C8orf34: variants seen among roughly 807,000 people sequenced by gnomAD.
The protein encoded by C8orf34 is uncharacterized protein C8orf34.
A neutral mutation model predicts 68.3 loss-of-function variants in C8orf34; 65 were observed. That is an observed-to-expected ratio of 0.95 (90% CI 0.78 to 1.17). The LOEUF (loss-of-function observed/expected upper bound fraction) is 1.17. Ranked by LOEUF, C8orf34 falls within the 50% of genes most tolerant of loss-of-function variation. C8orf34 has a pLI of 0.00. For synonymous variants in C8orf34, 244 were observed against 241.2 expected (o/e 1.01, Z -0.11); for missense variants, 664 against 655.4 (o/e 1.01, Z -0.14).
intron 10 of C8orf34, among the ~76,000 whole-genome samples, chr8:68,723,305 AT>A (rs1422428283): frequency 6.6e-6 from 1 of 152,044 alleles, no homozygotes; most frequent in Non-Finnish European, 1.5e-5. Flanking sequence ...TGAGACTTAA[AT>A]TTTTAAGTCA....
intron 1 of C8orf34, among the ~76,000 whole-genome samples, chr8:68,361,271 A>G (rs1806983592): frequency 6.6e-6 from 1 of 152,192 alleles, no homozygotes; most frequent in African/African-American, 2.4e-5. Flanking sequence ...GAGCACTGCA[A>G]CTGGAAAGCA....
Position 68,356,373 on chromosome 8 carries a change from C to T in C8orf34, c.327+25034C>T, listed in dbSNP as rs934942483. On this transcript the variant is annotated intron_variant, in intron 1 of 13. Coordinates refer to ENST00000518698, the MANE Select transcript of C8orf34 (RefSeq NM_052958.4). The stretch of plus-strand genomic sequence containing the variant: ...ATTTATTGGGTACTATATTATCTAC[C>T]GAGAAAAATAAACACAAAAACTCAT... Among the ~76,000 whole-genome samples, 17 of 151,676 alleles carry T rather than the reference C, an allele frequency of 1.1e-4. 1 individual carries two copies. Among genetic ancestry groups the T allele is most frequent in the African/African-American group, 3.1e-4 (13 of 41,272 alleles).
intron 8 of C8orf34, among the ~76,000 whole-genome samples, chr8:68,643,417 A>G (rs1432246702): frequency 6.6e-6 from 1 of 152,220 alleles, no homozygotes. Flanking sequence ...ATGCTTTGAA[A>G]TACCACTTGA....
Position 68,550,773 on chromosome 8 carries a change from GT to G in C8orf34, c.1105+17634del, listed in dbSNP as rs905138061. Among the ~76,000 whole-genome samples, 108 of 145,288 alleles carry G rather than the reference GT, an allele frequency of 7.4e-4. 1 individual carries two copies. Among genetic ancestry groups the G allele is most frequent in the African/African-American group, 9.5e-4 (38 of 39,870 alleles). On this transcript the variant is annotated intron_variant, in intron 7 of 13. Transcript: ENST00000518698. ...CAGGAATCTAAGTTGGTGTTTTTGTGTTTTTTTTTTCCCCCTCAGTGCTTTA... is the reference window on the plus strand; with the variant it reads ...CAGGAATCTAAGTTGGTGTTTTTGTGTTTTTTTTTCCCCCTCAGTGCTTTA...
chr8:68,704,135 T>G (rs1412012481), intron 8 of C8orf34, among the ~76,000 whole-genome samples: 1 of 152,136 alleles, frequency 6.6e-6, no homozygotes, highest in African/African-American at 2.4e-5. Context: ...ACAAAATCCT[T>G]TCCTTTAAGA....
intron 3 of C8orf34, among the ~76,000 whole-genome samples, chr8:68,463,008 T>A (rs568750184): frequency 1.3e-5 from 2 of 152,010 alleles, no homozygotes; most frequent in African/African-American, 4.8e-5. Context: ...CAGGAGCTGG[T>A]TTTTTGAAGG....
At chr8:68,496,202 A>G (rs972486849) in intron 5 of C8orf34, among the ~76,000 whole-genome samples, 1 of 152,148 alleles carries the variant, frequency 6.6e-6, no homozygotes, top group Non-Finnish European at 1.5e-5. Flanking sequence ...TATATATGAG[A>G]CCATGTAATA....
chr8:68,687,690 G>A (rs950152423), intron 8 of C8orf34, among the ~76,000 whole-genome samples: 4 of 151,982 alleles, frequency 2.6e-5, no homozygotes, highest in African/African-American at 9.7e-5. Flanking sequence ...AACTCTTCGG[G>A]ATATTGGCCT....
chr8:68,428,889 A>G (rs1311963804), intron 1 of C8orf34, among the ~76,000 whole-genome samples: 1 of 152,162 alleles, frequency 6.6e-6, no homozygotes, highest in Non-Finnish European at 1.5e-5. Flanking sequence ...TTGGAAATTC[A>G]TATGAAGAAA....
At chr8:68,530,088 C>A (rs974803144) in intron 6 of C8orf34, among the ~76,000 whole-genome samples, 14 of 151,822 alleles carry the variant, frequency 9.2e-5, no homozygotes, top group Non-Finnish European at 1.6e-4. Flanking sequence ...TATTCTATTA[C>A]ATTTTGTTAA....
intron 1 of C8orf34, among the ~76,000 whole-genome samples, chr8:68,421,930 G>T (rs1809993121): frequency 6.6e-6 from 1 of 152,146 alleles, no homozygotes; most frequent in Non-Finnish European, 1.5e-5. Context: ...CAGGGGAAAT[G>T]GCAGATGCTT....
At chr8:68,460,406 A>T (rs1419788842) in intron 3 of C8orf34, among the ~76,000 whole-genome samples, 1 of 152,208 alleles carries the variant, frequency 6.6e-6, no homozygotes, top group Non-Finnish European at 1.5e-5. Context: ...TGCAGACTTA[A>T]ATATCCCTGT....
intron 10 of C8orf34, among the ~76,000 whole-genome samples, chr8:68,766,982 G>A (rs55836089): frequency 3.3e-5 from 5 of 152,076 alleles, no homozygotes; most frequent in East Asian, 3.9e-4. Flanking sequence ...TCGGGAGTTC[G>A]AGACCAGCCT....
chr8:68,357,713 C>A (rs2129619191), intron 1 of C8orf34, among the ~76,000 whole-genome samples: 1 of 152,270 alleles, frequency 6.6e-6, no homozygotes, highest in South Asian at 2.1e-4. Context: ...TCGAATGATT[C>A]TTTATTACAA....
intron 10 of C8orf34, among the ~76,000 whole-genome samples, chr8:68,745,904 C>G (rs1483819793): frequency 1.3e-5 from 2 of 152,192 alleles, no homozygotes; most frequent in Non-Finnish European, 2.9e-5. Flanking sequence ...ATCTACAGAA[C>G]TCTCCACCCC....
chr8:68,331,457 C>T (rs1805586422), intron 1 of C8orf34, 118 bp downstream of exon 1: 1 of 1,115,334 alleles, frequency 9.0e-7, no homozygotes, highest in African/African-American at 1.5e-5. Flanking sequence ...AACCAACGCG[C>T]GGGAGAGGGC....
At chr8:68,551,124 C>T (rs531552328) in intron 7 of C8orf34, among the ~76,000 whole-genome samples, 106 of 151,916 alleles carry the variant, frequency 7.0e-4, no homozygotes, top group African/African-American at 2.5e-3. Flanking sequence ...TTCCTCTCTT[C>T]CTGGTATTTT....
intron 1 of C8orf34, among the ~76,000 whole-genome samples, chr8:68,351,616 C>T (rs930336507): frequency 6.6e-6 from 1 of 152,040 alleles, no homozygotes; most frequent in Non-Finnish European, 1.5e-5. Context: ...GATTTGGCCT[C>T]TTTAAATAAT....
At chr8:68,813,556 G>GC in intron 12 of C8orf34, among the ~76,000 whole-genome samples, 1 of 152,042 alleles carries the variant, frequency 6.6e-6, no homozygotes, top group African/African-American at 2.4e-5. Flanking sequence ...TACTTTACAT[G>GC]CTTTTTTTTT....
Sources: gnomAD v4.1 joint callset for allele counts (sites outside exome capture counted in the v4.1 genomes callset) on GRCh38, gnomAD v4.1.1 for gene constraint, MANE v1.5 for transcripts, NCBI Gene and HGNC (gene_info 2026-07-23, HGNC 2026-07-21) for gene names.